Variants in SH3GLB2 observed in about 807,000 individuals in gnomAD.
The protein encoded by SH3GLB2 is endophilin-B2.
In SH3GLB2, 24 loss-of-function variants were observed where a neutral mutation model predicts 48.0. That is an observed-to-expected ratio of 0.50 (90% confidence interval 0.36 to 0.70). SH3GLB2 has a LOEUF of 0.70. Ranked by LOEUF, SH3GLB2 falls within the 30% of genes least tolerant of loss-of-function variation. SH3GLB2 has a pLI of 0.00. For synonymous variants in SH3GLB2, 227 were observed against 207.6 expected (o/e 1.09, Z -0.80); for missense variants, 425 against 516.0 (o/e 0.82, Z 1.71).
chr9:129,008,561 G>A lies in SH3GLB2; in HGVS notation c.*123C>T, dbSNP rs1842895498. 1 of 741,174 alleles carries A rather than the reference G, an allele frequency of 1.3e-6. No homozygotes were observed. Among genetic ancestry groups the A allele is most frequent in the Non-Finnish European group, 2.3e-6 (1 of 435,968 alleles). 45.9% of individuals were successfully genotyped at this position (741,174 alleles called of 1,614,324 possible). On this transcript the variant is annotated 3_prime_UTR_variant, in exon 11 of 11. Coordinates refer to ENST00000372564, the MANE Select transcript of SH3GLB2 (RefSeq NM_020145.4). ...TCACAGCTAGGTGACTAGGGGCAGGGACAGAATGGGGTGAATTCTCCCCAC... is the reference window on the plus strand; with the variant it reads ...TCACAGCTAGGTGACTAGGGGCAGGAACAGAATGGGGTGAATTCTCCCCAC...
At chr9:129,009,926 A>T (rs1482710069) in intron 8 of SH3GLB2, 55 bp from the exon 9 acceptor site, 2 of 1,545,446 alleles carry the variant, frequency 1.3e-6, no homozygotes, top group African/African-American at 1.4e-5. Flanking sequence ...AGAACAAAAA[A>T]TTCCGTCCCC....
rs1027186934 is a variant in SH3GLB2, at chr9:129,017,906, A to C, written c.335-3002T>G. ...GAGCGAGATTCCGTCTCAAACAAAA[A>C]AAAAAAAAAAAAAAATTAGCTGGGT... On this transcript the variant is annotated intron_variant, in intron 3 of 10. Coordinates refer to ENST00000372564, the MANE Select transcript of SH3GLB2 (RefSeq NM_020145.4). 9.3e-5 allele frequency among the ~76,000 whole-genome samples: 14 copies of C among 151,248 alleles called. No individual in the cohort carries two copies. In the South Asian group the frequency reaches 1.5e-3, roughly 16 times the overall value.
At chr9:129,017,897 C>CA (rs1194882311) in intron 3 of SH3GLB2, among the ~76,000 whole-genome samples, 184 of 87,434 alleles carry the variant, frequency 2.1e-3, no homozygotes, top group African/African-American at 8.5e-3. Context: ...GATTCCGTCT[C>CA]AAACAAAAAA....
chr9:129,019,956 C>T (rs1038672360), intron 3 of SH3GLB2, among the ~76,000 whole-genome samples: 1 of 151,696 alleles, frequency 6.6e-6, no homozygotes, highest in African/African-American at 2.4e-5. Context: ...GTAATCCCAG[C>T]ACTTTGGGAG....
intron 3 of SH3GLB2, among the ~76,000 whole-genome samples, chr9:129,016,662 A>T (rs1044241661): frequency 2.0e-5 from 3 of 152,090 alleles, no homozygotes; most frequent in Admixed American, 6.6e-5. Context: ...AAATCCAAAG[A>T]TACACTTTAA....
chr9:129,018,393 T>C (rs985384190), intron 3 of SH3GLB2, among the ~76,000 whole-genome samples: 3 of 150,894 alleles, frequency 2.0e-5, no homozygotes, highest in East Asian at 2.0e-4. Flanking sequence ...CTGGCCAACA[T>C]GGTGAGACCC....
intron 3 of SH3GLB2, among the ~76,000 whole-genome samples, chr9:129,018,793 G>T (rs1843605677): frequency 1.3e-5 from 2 of 150,976 alleles, no homozygotes; most frequent in African/African-American, 4.9e-5. Flanking sequence ...TCGGGAGGCT[G>T]AGGCAGGAGA....
At chr9:129,025,611 G>GAGGAAGGAAGGAAGGAAGGAAGGAAGGA (rs11269158) in intron 1 of SH3GLB2, among the ~76,000 whole-genome samples, 6,268 of 119,052 alleles carry the variant, frequency 0.053, 394 homozygotes, top group African/African-American at 0.12. Context: ...GGGACTAAGG[G>GAGGAAGGAAGGAAGGAAGGAAGGAAGGA]AGGAAGGAAG....
At position 129,009,310 on chromosome 9, in the gene SH3GLB2, G is replaced by C. The variant is rs932697065; in HGVS notation, c.876C>G (p.Ala292=). The change falls in exon 10 of 11, where the codon GCC becomes GCG. Residue 292 remains alanine (A), a synonymous_variant. Transcript: ENST00000372564. ...GTGAGGTGCTGCTCAGGGGTGGGGA[G>C]GCGGGCTCTGTGGTGCCCACGAAGG... ...PGTFVGTTEP[A]SPPLSSTSPT... 2.6e-6 allele frequency: 4 copies of C among 1,545,038 alleles called. No homozygotes were observed. The highest frequency in any genetic ancestry group is 3.5e-6 in the Non-Finnish European group (4 of 1,143,026).
chr9:129,014,916 G>T lies in SH3GLB2; in HGVS notation c.335-12C>A, dbSNP rs1394189948. 6.2e-7 allele frequency: 1 copy of T among 1,611,470 alleles called. No individual in the cohort carries two copies. Among genetic ancestry groups the T allele is most frequent in the East Asian group, 2.2e-5 (1 of 44,784 alleles). On this transcript the variant is annotated splice_polypyrimidine_tract_variant and intron_variant, in intron 3 of 10. Transcript: ENST00000372564. The surrounding 1 kb of genome is among the most constrained non-coding windows in gnomAD (Gnocchi z 4.1). Reference sequence around the variant, plus strand: ...GATCAGTGTCTTCCCTGAGAAAACAGAGTTGAAGCGTGAGGAAGAAGGTCA... The same window carrying T: ...GATCAGTGTCTTCCCTGAGAAAACATAGTTGAAGCGTGAGGAAGAAGGTCA...
Position 129,022,262 on chromosome 9 carries a change from G to A in SH3GLB2, c.205+20C>T. On this transcript the variant is annotated intron_variant, in intron 2 of 10. Coordinates refer to ENST00000372564, the MANE Select transcript of SH3GLB2 (RefSeq NM_020145.4). ...GCCCCACGACTACATCCCTCCCCGGGCCCACGAACACGCACTCACTGGGGT... is the reference window on the plus strand; with the variant it reads ...GCCCCACGACTACATCCCTCCCCGGACCCACGAACACGCACTCACTGGGGT... 1 of 1,611,222 alleles carries A rather than the reference G, an allele frequency of 6.2e-7. No individual in the cohort carries two copies. The highest frequency in any genetic ancestry group is 8.5e-7 in the Non-Finnish European group (1 of 1,179,222).
At position 129,020,652 on chromosome 9, in the gene SH3GLB2, G is replaced by A. The variant is rs1843730067; in HGVS notation, c.334+439C>T. Among the ~76,000 whole-genome samples the A allele has an allele frequency of 2.6e-5, 4 of 151,852 alleles. No homozygotes were observed. The South Asian group carries it at 8.3e-4, about 31-fold the overall frequency. On this transcript the variant is annotated intron_variant, in intron 3 of 10. Transcript: ENST00000372564. ...CGAGGCATAGGCGGGCAGATCACGA[G>A]GTCAGGAGATCGAGACCATCCTGGC...
chr9:129,012,755 G>A (rs992984061), intron 5 of SH3GLB2: 60 of 564,378 alleles, frequency 1.1e-4, no homozygotes, highest in Non-Finnish European at 1.5e-4. Context: ...GGCCCCTCCC[G>A]ACAATGAAGG....
At chr9:129,027,773 G>C (rs941206522) in intron 1 of SH3GLB2, among the ~76,000 whole-genome samples, 1 of 152,228 alleles carries the variant, frequency 6.6e-6, no homozygotes, top group Non-Finnish European at 1.5e-5. Context: ...TGCTGGACAA[G>C]GGCAGGGAGG....
chr9:129,009,311 G>A lies in SH3GLB2; in HGVS notation c.875C>T (p.Ala292Val). ...PGTFVGTTEPASPPLSSTSPT... is the reference protein window; with the variant it reads ...PGTFVGTTEPVSPPLSSTSPT... Reference sequence around the variant, plus strand: ...TGAGGTGCTGCTCAGGGGTGGGGAGGCGGGCTCTGTGGTGCCCACGAAGGT... The same window carrying A: ...TGAGGTGCTGCTCAGGGGTGGGGAGACGGGCTCTGTGGTGCCCACGAAGGT... Residue 292 changes from alanine (A) to valine (V), a missense_variant, in exon 10 of 11, where the codon GCC becomes GTC. Transcript: ENST00000372564. 1.3e-6 allele frequency: 2 copies of A among 1,545,338 alleles called. No individual in the cohort carries two copies. Among genetic ancestry groups the A allele is most frequent in the Middle Eastern group, 1.7e-4 (1 of 5,938 alleles).
At chr9:129,009,739 C>T (rs760450556) in intron 9 of SH3GLB2, 32 bp downstream of exon 9, 1 of 1,587,022 alleles carries the variant, frequency 6.3e-7, no homozygotes, top group South Asian at 1.1e-5. Flanking sequence ...AGCCAGGGGG[C>T]CCCAGTGGGT....
In SH3GLB2 at chr9:129,010,219, G is replaced by A. The variant is rs1843036037; in HGVS notation, c.649-10C>T. ...GGAGCTCCTGCTCGGCCTGGGCAGG[G>A]CAGGGCAGCCATGAGCACCCACACA... On this transcript the variant is annotated splice_polypyrimidine_tract_variant and intron_variant, in intron 7 of 10. Transcript: ENST00000372564. 1 of 1,612,846 alleles carries A rather than the reference G, an allele frequency of 6.2e-7. No homozygotes were observed. Among genetic ancestry groups the A allele is most frequent in the African/African-American group, 1.3e-5 (1 of 74,896 alleles).
Position 129,014,726 on chromosome 9 carries a change from A to C in SH3GLB2, c.468+45T>G, listed in dbSNP as rs1194699608. ...CTGTACTCAAAGGCTCTGAGGAGGG[A>C]ACTGCCATGGTTACCAGGAAGCGGA... is the stretch of plus-strand genomic sequence containing the variant. On this transcript the variant is annotated intron_variant, in intron 4 of 10. Transcript: ENST00000372564. This position sits in a 1 kb window ranked among gnomAD's most constrained non-coding sequence, Gnocchi z 4.1. The C allele has an allele frequency of 6.3e-7, 1 of 1,594,124 alleles. No homozygotes were observed. The highest frequency in any genetic ancestry group is 2.2e-5 in the East Asian group (1 of 44,720).
chr9:129,027,997 G>C, intron 1 of SH3GLB2, 95 bp downstream of exon 1: 4 of 1,209,586 alleles, frequency 3.3e-6, no homozygotes, highest in Non-Finnish European at 4.4e-6. Flanking sequence ...AGCAGCCCGG[G>C]AGGGCTTTCC....
Sources: gnomAD v4.1 joint callset for allele counts (sites outside exome capture counted in the v4.1 genomes callset) on GRCh38, gnomAD v4.1.1 for gene constraint, Gnocchi (gnomAD v3.1) non-coding constraint, MANE v1.5 for transcripts, NCBI Gene and HGNC (gene_info 2026-07-23, HGNC 2026-07-21) for gene names.